GLIS3: variants seen among roughly 807,000 people sequenced by gnomAD.
The protein encoded by GLIS3 is zinc finger protein GLIS3.
GLIS3 carries 53 observed loss-of-function variants against 78.6 expected under a neutral mutation model. That is an observed-to-expected ratio of 0.67 (90% CI 0.54 to 0.85). The LOEUF is 0.85. GLIS3 is among the 40% of genes least tolerant of loss of function. GLIS3 has a pLI of 0.00. For missense variants in GLIS3, 1,703 were observed against 1,231.1 expected, an observed-to-expected ratio of 1.38 and a Z score of -5.74; for synonymous variants, 684 against 509.9, an observed-to-expected ratio of 1.34 and a Z score of -4.60.
intron 2 of GLIS3, among the ~76,000 whole-genome samples, chr9:4,247,868 C>T (rs1354040603): frequency 6.6e-6 from 1 of 152,078 alleles, no homozygotes; most frequent in Non-Finnish European, 1.5e-5. Context: ...ATTAGCATAT[C>T]CATCACTTCA....
chr9:3,964,469 T>C (rs566784916), intron 4 of GLIS3, among the ~76,000 whole-genome samples: 10 of 152,352 alleles, frequency 6.6e-5, no homozygotes, highest in Admixed American at 4.6e-4. Context: ...GAAATTTTCT[T>C]TTCTAATTTT....
the GLIS3 span, among the ~76,000 whole-genome samples, chr9:4,452,050 A>G: frequency 6.6e-6 from 1 of 152,166 alleles, no homozygotes; most frequent in Non-Finnish European, 1.5e-5. Context: ...TCCATCACAT[A>G]AACAGAATCA....
At chr9:4,362,289 A>T in the GLIS3 span, among the ~76,000 whole-genome samples, 1 of 152,092 alleles carries the variant, frequency 6.6e-6, no homozygotes, top group African/African-American at 2.4e-5. Context: ...CCTTTCTTTT[A>T]AAAGAATATT....
At chr9:4,365,438 T>G in the GLIS3 span, among the ~76,000 whole-genome samples, 1 of 151,878 alleles carries the variant, frequency 6.6e-6, no homozygotes, top group African/African-American at 2.4e-5. Flanking sequence ...GTGCCTATAG[T>G]CCCAGCTACT....
chr9:4,348,334 CAGCTTTCTG>C (rs1554660759), exon 1 of GLIS3: 1 of 136,522 alleles, frequency 7.3e-6, no homozygotes, highest in African/African-American at 2.5e-5. Context: ...CCTCGGGAAA[CAGCTTTCTG>C]AGGTTATCTC....
At chr9:4,227,501 G>A (rs988442297) in intron 2 of GLIS3, among the ~76,000 whole-genome samples, 5 of 152,002 alleles carry the variant, frequency 3.3e-5, no homozygotes, top group Non-Finnish European at 7.4e-5. Flanking sequence ...GTATTCTCTG[G>A]GCCAAAGAAT....
intron 2 of GLIS3, among the ~76,000 whole-genome samples, chr9:4,177,181 T>G (rs1464147684): frequency 6.6e-6 from 1 of 151,868 alleles, no homozygotes; most frequent in Non-Finnish European, 1.5e-5. Flanking sequence ...AAAATCACCA[T>G]TGCTTTAATT....
chr9:4,450,894 C>T, the GLIS3 span, among the ~76,000 whole-genome samples: 46 of 152,262 alleles, frequency 3.0e-4, no homozygotes, highest in South Asian at 6.8e-3. Flanking sequence ...ACTGCAAAAA[C>T]GTGCCAAATT....
intron 2 of GLIS3, among the ~76,000 whole-genome samples, chr9:4,209,843 G>C (rs1028793746): frequency 6.7e-6 from 1 of 150,312 alleles, no homozygotes; most frequent in African/African-American, 2.5e-5. Context: ...CCATCAAAAT[G>C]TCTCCAAGCA....
At chr9:4,326,044 G>A (rs1403746197) in intron 2 of GLIS3, among the ~76,000 whole-genome samples, 1 of 152,076 alleles carries the variant, frequency 6.6e-6, no homozygotes, top group East Asian at 1.9e-4. Flanking sequence ...ACACACACTG[G>A]GGCCTGTCGG....
intron 6 of GLIS3, among the ~76,000 whole-genome samples, chr9:3,909,131 A>AT (rs775861153): frequency 2.0e-5 from 3 of 152,120 alleles, no homozygotes; most frequent in Non-Finnish European, 4.4e-5. Flanking sequence ...AGACAGTAGG[A>AT]TTTTTTCCCC....
At chr9:4,019,368 T>A (rs1048653518) in intron 4 of GLIS3, among the ~76,000 whole-genome samples, 7 of 152,196 alleles carry the variant, frequency 4.6e-5, no homozygotes, top group African/African-American at 1.7e-4. Flanking sequence ...AGACACCACA[T>A]GTAGATCTGT....
chr9:4,309,404 G>T (rs1006693787), intron 3 of GLIS3, among the ~76,000 whole-genome samples: 5 of 152,178 alleles, frequency 3.3e-5, no homozygotes, highest in East Asian at 1.9e-4. Flanking sequence ...TTAAGCAGTG[G>T]TTGGGGCGGG....
intron 2 of GLIS3, among the ~76,000 whole-genome samples, chr9:4,337,096 T>A (rs1325830918): frequency 5.3e-5 from 8 of 152,238 alleles, no homozygotes; most frequent in Admixed American, 5.2e-4. Flanking sequence ...GAGTTGGTAG[T>A]GTCATTGGCT....
chr9:4,434,751 A>T, the GLIS3 span, among the ~76,000 whole-genome samples: 7 of 152,316 alleles, frequency 4.6e-5, no homozygotes, highest in East Asian at 7.7e-4. Context: ...CCCAGAAGAC[A>T]TTTAACTTTT....
chr9:3,887,858 C>A (rs188479934), intron 7 of GLIS3, among the ~76,000 whole-genome samples: 3 of 152,266 alleles, frequency 2.0e-5, no homozygotes, highest in African/African-American at 7.2e-5. Context: ...CATCTGGCAG[C>A]TCTATCAACT....
intron 2 of GLIS3, among the ~76,000 whole-genome samples, chr9:4,185,841 C>A (rs971038417): frequency 6.6e-6 from 1 of 152,134 alleles, no homozygotes; most frequent in Non-Finnish European, 1.5e-5. Context: ...TTGGCCAGAC[C>A]CAACTGGAAG....
chr9:4,380,576 C>G, the GLIS3 span, among the ~76,000 whole-genome samples: 1 of 152,202 alleles, frequency 6.6e-6, no homozygotes, highest in South Asian at 2.1e-4. Context: ...ATGCAGATTT[C>G]CGGGCCTCAC....
intron 2 of GLIS3, among the ~76,000 whole-genome samples, chr9:4,184,861 A>T (rs775280887): frequency 2.0e-5 from 3 of 148,014 alleles, no homozygotes; most frequent in African/African-American, 7.5e-5. Flanking sequence ...TAGCAAAAAA[A>T]CAATGAATTA....
Sources: allele counts gnomAD v4.1 joint callset (sites outside exome capture counted in the v4.1 genomes callset), GRCh38; gene constraint gnomAD v4.1.1; transcripts MANE v1.5; gene names NCBI Gene and HGNC (gene_info 2026-07-23, HGNC 2026-07-21).